Variants in SHANK2 observed in about 807,000 individuals in gnomAD.
SHANK2 encodes the protein SH3 and multiple ankyrin repeat domains 2, also known as SH3 and multiple ankyrin repeat domains protein 2.
A neutral mutation model predicts 133.7 loss-of-function variants in SHANK2; 43 were observed. That is an observed-to-expected ratio of 0.32 (90% CI 0.25 to 0.41). The LOEUF is 0.41. SHANK2 is among the 10% of genes least tolerant of loss of function. SHANK2 has a pLI of 1.00. For missense variants in SHANK2, 1,994 were observed against 2,235.8 expected, an observed-to-expected ratio of 0.89 and a Z score of 2.18; for synonymous variants, 1,017 against 952.8, an observed-to-expected ratio of 1.07 and a Z score of -1.24.
intron 4 of SHANK2, among the ~76,000 whole-genome samples, chr11:71,113,926 C>A (rs537275277): frequency 1.3e-5 from 2 of 152,300 alleles, no homozygotes; most frequent in African/African-American, 4.8e-5. Context: ...CTGCATGAAC[C>A]AAGGAGCACA....
chr11:70,666,366 C>T (rs1417251423), intron 15 of SHANK2, among the ~76,000 whole-genome samples: 2 of 152,196 alleles, frequency 1.3e-5, no homozygotes, highest in African/African-American at 4.8e-5. Flanking sequence ...CTTGGCAGCA[C>T]CCCCCATCCC....
intron 15 of SHANK2, among the ~76,000 whole-genome samples, chr11:70,690,819 T>G (rs1945274109): frequency 6.6e-6 from 1 of 152,010 alleles, no homozygotes; most frequent in Non-Finnish European, 1.5e-5. Flanking sequence ...TGGCAAGAAC[T>G]ATTCAAAATT....
chr11:71,163,721 G>C (rs1555110269), intron 2 of SHANK2, among the ~76,000 whole-genome samples: 1 of 152,222 alleles, frequency 6.6e-6, no homozygotes, highest in African/African-American at 2.4e-5. Flanking sequence ...AAGGAGCTCA[G>C]TGGAAACTGC....
chr11:70,609,113 C>T (rs2060619774), intron 17 of SHANK2, among the ~76,000 whole-genome samples: 1 of 152,212 alleles, frequency 6.6e-6, no homozygotes, highest in Non-Finnish European at 1.5e-5. Flanking sequence ...TGTTCACGGA[C>T]CTGTGGCACC....
At chr11:71,185,017 T>C (rs776276741) in intron 2 of SHANK2, among the ~76,000 whole-genome samples, 2 of 152,196 alleles carry the variant, frequency 1.3e-5, no homozygotes, top group Non-Finnish European at 2.9e-5. Flanking sequence ...GTCCCGTCTG[T>C]ACCCCGTGAG....
At chr11:70,605,152 C>T (rs1022286090) in intron 17 of SHANK2, among the ~76,000 whole-genome samples, 1 of 152,052 alleles carries the variant, frequency 6.6e-6, no homozygotes, top group African/African-American at 2.4e-5. Flanking sequence ...TTTAACAGGG[C>T]CACGTGTCTT....
At chr11:71,210,213 T>TAC (rs1311329754) in intron 2 of SHANK2, among the ~76,000 whole-genome samples, 3 of 23,742 alleles carry the variant, frequency 1.3e-4, no homozygotes, top group Admixed American at 8.2e-4. Flanking sequence ...TCCACAGGTA[T>TAC]ATATATATAT....
chr11:70,734,711 G>T (rs1391279712), intron 14 of SHANK2, among the ~76,000 whole-genome samples: 1 of 152,222 alleles, frequency 6.6e-6, no homozygotes, highest in African/African-American at 2.4e-5. Flanking sequence ...AGGCCAAGGG[G>T]TGTCCTCAAG....
intron 10 of SHANK2, among the ~76,000 whole-genome samples, chr11:70,939,167 GT>G (rs1329729357): frequency 1.3e-5 from 2 of 152,152 alleles, no homozygotes; most frequent in African/African-American, 2.4e-5. Flanking sequence ...GGGGCTTTGG[GT>G]TTTGCTGGGA....
intron 10 of SHANK2, among the ~76,000 whole-genome samples, chr11:70,898,776 AT>A (rs1555076241): frequency 2.0e-5 from 3 of 152,248 alleles, no homozygotes. Flanking sequence ...TTCTCAGTCT[AT>A]CCATACGGCA....
At chr11:71,099,060 C>T (rs1951675137) in intron 6 of SHANK2, among the ~76,000 whole-genome samples, 1 of 152,138 alleles carries the variant, frequency 6.6e-6, no homozygotes, top group Non-Finnish European at 1.5e-5. Context: ...ACACCCACAG[C>T]CCCTAATCGT....
intron 8 of SHANK2, among the ~76,000 whole-genome samples, chr11:71,090,268 TG>T (rs1951486259): frequency 4.7e-4 from 1 of 2,118 alleles, no homozygotes; most frequent in Admixed American, 3.7e-3. Context: ...AACCTCTGTG[TG>T]TGTGTGTGTG....
chr11:70,766,331 T>C (rs982923701), intron 14 of SHANK2, among the ~76,000 whole-genome samples: 7 of 152,210 alleles, frequency 4.6e-5, no homozygotes, highest in African/African-American at 1.7e-4. Flanking sequence ...CAGAGAAATA[T>C]GCCTCTGTGT....
At chr11:70,484,496 T>C (rs1195026519) in intron 25 of SHANK2, among the ~76,000 whole-genome samples, 2 of 152,122 alleles carry the variant, frequency 1.3e-5, no homozygotes, top group Admixed American at 1.3e-4. Flanking sequence ...GCTTCCCATA[T>C]AGCCTGCAGA....
chr11:70,779,479 A>G (rs1555044672), intron 14 of SHANK2, among the ~76,000 whole-genome samples: 1 of 152,138 alleles, frequency 6.6e-6, no homozygotes, highest in Admixed American at 6.5e-5. Flanking sequence ...TCTAAAGATA[A>G]CAAAGACATT....
Position 70,590,028 on chromosome 11 carries a change from G to A in SHANK2, c.2061+69800C>T, listed in dbSNP as rs566894456. ...AAATTAGCCAGGCGCGGTGGCGGGC[G>A]CCTGTAGTTCCAGCTACTCGGGAGG... On this transcript the variant is annotated intron_variant, in intron 17 of 25. Transcript: ENST00000601538. Among the ~76,000 whole-genome samples, 166 of 152,308 alleles carry A rather than the reference G, an allele frequency of 1.1e-3. 1 individual carries two copies. Among genetic ancestry groups the A allele is most frequent in the Middle Eastern group, 0.01 (3 of 294 alleles).
At chr11:70,711,281 G>A (rs1204334464) in intron 14 of SHANK2, among the ~76,000 whole-genome samples, 8 of 152,150 alleles carry the variant, frequency 5.3e-5, no homozygotes, top group South Asian at 2.1e-4. Flanking sequence ...GGGTGGCAAC[G>A]TGGCTGGGCT....
At chr11:70,723,160 A>G (rs145386272) in intron 14 of SHANK2, among the ~76,000 whole-genome samples, 73 of 152,296 alleles carry the variant, frequency 4.8e-4, no homozygotes, top group Non-Finnish European at 6.0e-4. Context: ...TTCTCTCCCA[A>G]TGAGCATGGG....
At chr11:70,627,405 A>G (rs1740672163) in intron 17 of SHANK2, among the ~76,000 whole-genome samples, 1 of 152,226 alleles carries the variant, frequency 6.6e-6, no homozygotes, top group Non-Finnish European at 1.5e-5. Context: ...GGCAAAGGAC[A>G]GCACCCAGCA....
Sources: gnomAD v4.1 joint callset for allele counts (sites outside exome capture counted in the v4.1 genomes callset) on GRCh38, gnomAD v4.1.1 for gene constraint, MANE v1.5 for transcripts, NCBI Gene and HGNC (gene_info 2026-07-23, HGNC 2026-07-21) for gene names.